Variants in PRX observed in about 807,000 individuals in gnomAD.
PRX encodes the protein periaxin.
In PRX, 24 loss-of-function variants were observed where a neutral mutation model predicts 29.6. That is an observed-to-expected ratio of 0.81 (90% confidence interval 0.59 to 1.14). The LOEUF is 1.14. Ranked by LOEUF, PRX falls within the 50% of genes most tolerant of loss-of-function variation. The pLI is 0.00. For synonymous variants in PRX, 772 were observed against 831.7 expected, an observed-to-expected ratio of 0.93 and a Z score of 1.24; for missense variants, 1,838 against 1,926.4, an observed-to-expected ratio of 0.95 and a Z score of 0.86.
chr19:40,405,306 T>C (rs1205694932), intron 4 of PRX, among the ~76,000 whole-genome samples: 1 of 152,118 alleles, frequency 6.6e-6, no homozygotes, highest in Non-Finnish European at 1.5e-5. Context: ...TTAGGAAGAA[T>C]CTTGCCCTCT....
At chr19:40,410,755 C>T (rs2079554863) in intron 1 of PRX, among the ~76,000 whole-genome samples, 1 of 152,194 alleles carries the variant, frequency 6.6e-6, no homozygotes, top group Non-Finnish European at 1.5e-5. Context: ...CCTGTAATCC[C>T]AGCTACTCGG....
chr19:40,412,217 G>T (rs1184592728), intron 1 of PRX, among the ~76,000 whole-genome samples: 2 of 152,174 alleles, frequency 1.3e-5, no homozygotes, highest in African/African-American at 4.8e-5. Flanking sequence ...GGGGTCAGGG[G>T]TTGGGCTGAC....
At chr19:40,406,344 T>C (rs997837473) in intron 4 of PRX, among the ~76,000 whole-genome samples, 2 of 151,650 alleles carry the variant, frequency 1.3e-5, no homozygotes, top group African/African-American at 4.8e-5. Context: ...TCCCAGAGTG[T>C]TGGGATTACA....
chr19:40,403,913 C>G (rs773903274), intron 4 of PRX, 51 bp from the exon 5 acceptor site: 1 of 1,581,204 alleles, frequency 6.3e-7, no homozygotes, highest in Non-Finnish European at 8.6e-7. Flanking sequence ...CGGACCTCGC[C>G]CAGAGCCCGC....
At chr19:40,403,984 TG>T in intron 4 of PRX, 122 bp from the exon 5 acceptor site, 1 of 1,172,562 alleles carries the variant, frequency 8.5e-7, no homozygotes, top group African/African-American at 1.5e-5. Flanking sequence ...GAGACGGGGG[TG>T]GGGGACGGTC....
chr19:40,393,829 A>G lies in PRX; in HGVS notation c.*137T>C. The G allele has an allele frequency of 7.5e-7, 1 of 1,334,636 alleles. No individual in the cohort carries two copies. The highest frequency in any genetic ancestry group is 1.0e-6 in the Non-Finnish European group (1 of 959,584). 82.7% of individuals were successfully genotyped at this position (1,334,636 alleles called of 1,614,324 possible). ...GTACAGGCACTCCTGCCAGAGAGACAGGAGCAGGCCTCCCTGCCAGCCCTG... is the reference window on the plus strand; with the variant it reads ...GTACAGGCACTCCTGCCAGAGAGACGGGAGCAGGCCTCCCTGCCAGCCCTG... On this transcript the variant is annotated 3_prime_UTR_variant, in exon 7 of 7. Coordinates refer to ENST00000324001, the MANE Select transcript of PRX (RefSeq NM_181882.3).
intron 4 of PRX, among the ~76,000 whole-genome samples, chr19:40,407,237 TG>T (rs1568716508): frequency 6.6e-6 from 1 of 151,266 alleles, no homozygotes; most frequent in Non-Finnish European, 1.5e-5. Flanking sequence ...TGTGTGTGTG[TG>T]TGTGTGTGTG....
chr19:40,394,699 A>C lies in PRX; in HGVS notation c.3653T>G (p.Val1218Gly). ...CCCCACGTCCAGCTCAAGCTGGGGC[A>C]CTGTCACGGTGGGCATCTTAAAGAC... Reference protein sequence around the residue: ...EGVFKMPTVTVPQLELDVGLS... With the variant: ...EGVFKMPTVTGPQLELDVGLS... Residue 1218 changes from valine (V) to glycine (G), a missense_variant, in exon 7 of 7, where the codon GTG (valine) becomes GGG (glycine). By Grantham distance (109) the Val-to-Gly change is moderately radical. Coordinates refer to ENST00000324001, the MANE Select transcript of PRX (RefSeq NM_181882.3). This position sits in a 1 kb window ranked among gnomAD's most constrained non-coding sequence, Gnocchi z 5.8. 1.2e-6 allele frequency: 2 copies of C among 1,610,744 alleles called. No homozygotes were observed. Among genetic ancestry groups the C allele is most frequent in the African/African-American group, 1.3e-5 (1 of 74,820 alleles).
rs1599649064 is a variant in PRX, at chr19:40,393,844, T to C, written c.*122A>G. The C allele has an allele frequency of 6.7e-7, 1 of 1,487,596 alleles. No individual in the cohort carries two copies. Among genetic ancestry groups the C allele is most frequent in the East Asian group, 2.3e-5 (1 of 43,654 alleles). The allele number at this position is 1,487,596 out of a possible 1,614,324, so 92.1% of individuals were successfully genotyped here. On this transcript the variant is annotated 3_prime_UTR_variant, in exon 7 of 7. Transcript: ENST00000324001. ...CCAGAGAGACAGGAGCAGGCCTCCC[T>C]GCCAGCCCTGGTCAGTCACCCACCT...
At chr19:40,400,092 C>T (rs1344884758) in intron 5 of PRX, among the ~76,000 whole-genome samples, 1 of 151,574 alleles carries the variant, frequency 6.6e-6, no homozygotes, top group African/African-American at 2.4e-5. Flanking sequence ...AAGCGACCCT[C>T]CTGCCTCAGC....
intron 1 of PRX, among the ~76,000 whole-genome samples, chr19:40,412,096 T>C (rs1479885051): frequency 6.6e-6 from 1 of 152,196 alleles, no homozygotes; most frequent in Non-Finnish European, 1.5e-5. Context: ...GCTGAGGGCA[T>C]TGCCCTTCTG....
intron 5 of PRX, among the ~76,000 whole-genome samples, chr19:40,402,500 G>A (rs1187318519): frequency 1.3e-5 from 2 of 151,712 alleles, no homozygotes; most frequent in African/African-American, 4.8e-5. Flanking sequence ...GGCTGGGCGC[G>A]GTGGCTCACA....
At chr19:40,393,765 G>A (rs2079401180), downstream of PRX, 2 of 759,194 alleles carry the variant, frequency 2.6e-6, no homozygotes, top group Non-Finnish European at 4.2e-6. Flanking sequence ...ACAAATACAT[G>A]GCTACTTCCA....
intron 1 of PRX, among the ~76,000 whole-genome samples, chr19:40,412,584 T>C (rs937850472): frequency 6.6e-6 from 1 of 152,186 alleles, no homozygotes; most frequent in Non-Finnish European, 1.5e-5. Flanking sequence ...CCACTTTCTC[T>C]GCTACCAAAG....
At position 40,398,407 on chromosome 19, in the gene PRX, C is replaced by T. The variant is rs754990696; in HGVS notation, c.381+213G>A. 30 of 1,471,092 alleles carry T rather than the reference C, an allele frequency of 2.0e-5. No individual in the cohort carries two copies. In the Admixed American group the frequency reaches 4.3e-4, roughly 21 times the overall value. The allele number at this position is 1,471,092 out of a possible 1,614,324, so 91.1% of individuals were successfully genotyped here. A position where few individuals can be genotyped will look rare whatever the true frequency, so the allele number is the denominator to read the frequency against. On this transcript the variant is annotated intron_variant, in intron 6 of 6. Coordinates refer to ENST00000324001, the MANE Select transcript of PRX (RefSeq NM_181882.3). This position sits in a 1 kb window ranked among gnomAD's most constrained non-coding sequence, Gnocchi z 6.3. The stretch of plus-strand genomic sequence containing the variant: ...GGATCCGATGGTGGGGACGCCTCTC[C>T]GAGGTGGGTGAGGGCCCTGGGCTGG...
rs1205381278 is a variant in PRX at position 40,393,942 on chromosome 19, G to A, written c.*24C>T. 9.3e-6 allele frequency: 15 copies of A among 1,608,038 alleles called. No individual in the cohort carries two copies. Among genetic ancestry groups the A allele is most frequent in the Non-Finnish European group, 1.2e-5 (14 of 1,179,672 alleles). On this transcript the variant is annotated 3_prime_UTR_variant, in exon 7 of 7. Transcript: ENST00000324001. ...GGGGGTAGAGAAAGGAAGGCAAGAA[G>A]GGATCCCCATCTGACTAGGGGCTTC... is the stretch of plus-strand genomic sequence containing the variant.
At chr19:40,413,806 G>T (rs897786003), upstream of PRX, among the ~76,000 whole-genome samples, 6 of 152,218 alleles carry the variant, frequency 3.9e-5, no homozygotes, top group African/African-American at 1.4e-4. Flanking sequence ...GCTTCTCTTT[G>T]CGGATAGTAA....
rs766729202 is a variant in PRX, at chr19:40,394,235, G to A, written c.4117C>T (p.Arg1373Trp). 3.7e-5 allele frequency: 60 copies of A among 1,604,086 alleles called. No individual in the cohort carries two copies. Among genetic ancestry groups the A allele is most frequent in the Non-Finnish European group, 4.3e-5 (51 of 1,172,898 alleles). ...SGEGASGRRG[R>W]VRVRLPRVGL... ...ACACGTGGCAAGCGGACCCGGACCC[G>A]GCCCCGGCGACCCGAGGCCCCTTCC... The change falls in exon 7 of 7, where the codon CGG becomes TGG. Residue 1373 changes from arginine (R) to tryptophan (W), a missense_variant. By Grantham distance (101) the Arg-to-Trp change is moderately radical. Around this residue, in one of 3 missense-constraint regions of PRX, gnomAD observed 1,143 missense variants for 1,193.0 expected, o/e 0.96. Coordinates refer to ENST00000324001, the MANE Select transcript of PRX (RefSeq NM_181882.3). The surrounding 1 kb of genome is among the most constrained non-coding windows in gnomAD (Gnocchi z 5.8).
chr19:40,403,946 T>A, intron 4 of PRX, 84 bp from the exon 5 acceptor site: 1 of 1,420,704 alleles, frequency 7.0e-7, no homozygotes, highest in Non-Finnish European at 9.6e-7. Flanking sequence ...CAGTGGCTCA[T>A]ATACATATAT....
Sources: allele counts gnomAD v4.1 joint callset (sites outside exome capture counted in the v4.1 genomes callset), GRCh38; gene constraint gnomAD v4.1.1; regional missense constraint gnomAD v4.1.1; non-coding constraint Gnocchi (gnomAD v3.1); transcripts MANE v1.5; gene names NCBI Gene and HGNC (gene_info 2026-07-23, HGNC 2026-07-21).